Variants in AKNA observed in about 807,000 individuals in gnomAD.
The protein encoded by AKNA is AT-hook transcription factor.
In AKNA, 67 loss-of-function variants were observed where a neutral mutation model predicts 138.8. The ratio of observed to expected loss-of-function variants is 0.48; its 90% CI spans 0.40 to 0.59. The LOEUF (loss-of-function observed/expected upper bound fraction) is 0.59, where lower values mean the gene tolerates loss of function less well. Among genes scored for constraint, AKNA ranks in the 20% least tolerant of loss-of-function variants. The probability of loss-of-function intolerance (pLI) is 0.00; values close to 1 mark genes in which losing one functional copy is unlikely to be tolerated. For missense variants in AKNA, 1,813 were observed against 1,880.4 expected (o/e 0.96, Z 0.66); for synonymous variants, 737 against 754.4 (o/e 0.98, Z 0.38).
chr9:114,379,768 A>G (rs148908385), intron 2 of AKNA, among the ~76,000 whole-genome samples: 10 of 152,350 alleles, frequency 6.6e-5, no homozygotes, highest in African/African-American at 2.4e-4. Flanking sequence ...CTAGGAATTC[A>G]GTCTAAGTTG....
At chr9:114,373,160 C>T (rs1485777537) in intron 4 of AKNA, among the ~76,000 whole-genome samples, 1 of 152,240 alleles carries the variant, frequency 6.6e-6, no homozygotes, top group Non-Finnish European at 1.5e-5. Flanking sequence ...TCCTCCTCTA[C>T]TGCTGCCTGA....
At chr9:114,390,603 T>C (rs562544135), upstream of AKNA, among the ~76,000 whole-genome samples, 1 of 152,308 alleles carries the variant, frequency 6.6e-6, no homozygotes, top group Admixed American at 6.5e-5. Flanking sequence ...GATGTGGTCT[T>C]CCAAGATAAA....
intron 3 of AKNA, among the ~76,000 whole-genome samples, chr9:114,374,600 C>T (rs183388415): frequency 3.9e-5 from 6 of 152,296 alleles, no homozygotes; most frequent in African/African-American, 7.2e-5. Flanking sequence ...TTTTCAATGG[C>T]TAATTGAATG....
chr9:114,354,496 G>A (rs1287888776), intron 14 of AKNA, among the ~76,000 whole-genome samples: 2 of 152,102 alleles, frequency 1.3e-5, no homozygotes, highest in African/African-American at 4.8e-5. Context: ...GGCGGATCAC[G>A]AGGTCAGGAG....
chr9:114,346,813 T>C (rs766267528), intron 16 of AKNA, 29 bp from the exon 17 acceptor site: 3 of 1,592,238 alleles, frequency 1.9e-6, no homozygotes, highest in Non-Finnish European at 2.6e-6. Flanking sequence ...GATGATGTCA[T>C]TGGATGAGGT....
Position 114,377,356 on chromosome 9 carries a change from T to C in AKNA, c.451A>G (p.Ser151Gly). 6.2e-7 allele frequency: 1 copy of C among 1,613,966 alleles called. No homozygotes were observed. Among genetic ancestry groups the C allele is most frequent in the Non-Finnish European group, 8.5e-7 (1 of 1,179,936 alleles). ...CTGGTGTTTCCATGGCCTTCCAAGC[T>C]GAGACCAGCCTCATACCCCAACCTT... Reference protein sequence around the residue: ...SSRLGYEAGLSLEGHGNTSPM... With the variant: ...SSRLGYEAGLGLEGHGNTSPM... Residue 151 changes from serine to glycine, a missense_variant, in exon 3 of 22, where the codon AGC becomes GGC. Transcript: ENST00000374088.
upstream of AKNA, among the ~76,000 whole-genome samples, chr9:114,395,015 C>T (rs925032750): frequency 6.6e-6 from 1 of 152,078 alleles, no homozygotes; most frequent in South Asian, 2.1e-4. Context: ...CGGCACTGGG[C>T]GCAGAAGGTC....
At chr9:114,334,004 A>T, downstream of AKNA, among the ~76,000 whole-genome samples, 2 of 116,290 alleles carry the variant, frequency 1.7e-5, no homozygotes, top group Admixed American at 8.7e-5. Flanking sequence ...AGTGTGTAGC[A>T]CCTCCCCCTT....
At position 114,381,050 on chromosome 9, in the gene AKNA, T is replaced by G; in HGVS notation, c.274+10A>C. 5.3e-6 allele frequency: 8 copies of G among 1,520,908 alleles called. No homozygotes were observed. The highest frequency in any genetic ancestry group is 7.1e-6 in the Non-Finnish European group (8 of 1,134,488). The allele number at this position is 1,520,908 out of a possible 1,614,324, so 94.2% of individuals were successfully genotyped here. A position where few individuals can be genotyped will look rare whatever the true frequency, so the allele number is the denominator to read the frequency against. ...GGACACCACTGTAGGGGGAGGGGTG[T>G]CAGTCTCACCTTCTCCCGAAGTCTC... On this transcript the variant is annotated intron_variant, in intron 2 of 21. Coordinates refer to ENST00000374088, the MANE Select transcript of AKNA (RefSeq NM_001317950.2).
downstream of AKNA, chr9:114,331,787 C>A (rs1829857603): frequency 6.2e-7 from 1 of 1,604,884 alleles, no homozygotes; most frequent in Non-Finnish European, 8.5e-7. Context: ...CCGCCGGGCC[C>A]CACCATGTCC....
chr9:114,333,311 T>C, downstream of AKNA: 2 of 1,216,496 alleles, frequency 1.6e-6, no homozygotes, highest in Non-Finnish European at 2.3e-6. Context: ...AGTTTAACCC[T>C]GGCTGGGCAC....
chr9:114,369,683 T>C lies in AKNA; in HGVS notation c.1417-1088A>G, dbSNP rs567254843. On this transcript the variant is annotated intron_variant, in intron 4 of 21. Coordinates refer to ENST00000374088, the MANE Select transcript of AKNA (RefSeq NM_001317950.2). ...ACCATCATTAGCATCACCATCAGCATCACCATCAGCATCATCACCATCAGC... is the reference window on the plus strand; with the variant it reads ...ACCATCATTAGCATCACCATCAGCACCACCATCAGCATCATCACCATCAGC... Among the ~76,000 whole-genome samples, 4 of 150,660 alleles carry C rather than the reference T, an allele frequency of 2.7e-5. No homozygotes were observed. The East Asian group carries it at 5.8e-4, about 22-fold the overall frequency.
At chr9:114,358,682 T>G (rs557341460) in intron 11 of AKNA, among the ~76,000 whole-genome samples, 1 of 151,850 alleles carries the variant, frequency 6.6e-6, no homozygotes, top group East Asian at 1.9e-4. Context: ...CCACAGAAGT[T>G]CAAGAGAGGC....
chr9:114,377,802 T>C (rs4979372), intron 2 of AKNA, among the ~76,000 whole-genome samples: 60,150 of 152,032 alleles, frequency 0.4, 13,700 homozygotes, highest in Middle Eastern at 0.56. Context: ...ATCCCCTCTA[T>C]GCATACAGGC....
intron 3 of AKNA, chr9:114,375,993 G>T (rs779650954): frequency 2.9e-5 from 13 of 450,924 alleles, no homozygotes; most frequent in South Asian, 1.9e-4. Context: ...GCCCAAGCCA[G>T]CCTCCACCCC....
At chr9:114,338,150 C>T (rs922109469) in intron 21 of AKNA, among the ~76,000 whole-genome samples, 15 of 152,206 alleles carry the variant, frequency 9.9e-5, no homozygotes, top group Non-Finnish European at 7.3e-5. Context: ...CATTCATTGG[C>T]ATCTTGCTTG....
At chr9:114,352,547 A>C (rs1166756155) in intron 14 of AKNA, among the ~76,000 whole-genome samples, 2 of 152,088 alleles carry the variant, frequency 1.3e-5, no homozygotes, top group Non-Finnish European at 2.9e-5. Flanking sequence ...CAGTGAGCTG[A>C]GATCGTACCA....
At position 114,341,525 on chromosome 9, in the gene AKNA, G is replaced by A; in HGVS notation, c.4067+8C>T. ...AGAGGCTGGGAAGGTCAGAATGAAG[G>A]CTCTTACACAGCGGCAGGTGGATAA... On this transcript the variant is annotated splice_region_variant and intron_variant, in intron 21 of 21. Transcript: ENST00000374088. 9 of 1,613,956 alleles carry A rather than the reference G, an allele frequency of 5.6e-6. No individual in the cohort carries two copies. In the South Asian group the frequency reaches 9.9e-5, roughly 18 times the overall value.
chr9:114,337,012 T>TGGGGGGGGGGGGGGGGGGGGGGGGGGG lies in AKNA; in HGVS notation c.*41_*42insCCCCCCCCCCCCCCCCCCCCCCCCCCC. 8.3e-7 allele frequency: 1 copy of TGGGGGGGGGGGGGGGGGGGGGGGGGGG among 1,208,222 alleles called. No individual in the cohort carries two copies. Among genetic ancestry groups the TGGGGGGGGGGGGGGGGGGGGGGGGGGG allele is most frequent in the Non-Finnish European group, 1.1e-6 (1 of 929,350 alleles). 74.8% of individuals were successfully genotyped at this position (1,208,222 alleles called of 1,614,324 possible). A position where few individuals can be genotyped will look rare whatever the true frequency, so the allele number is the denominator to read the frequency against. ...CCCACTCCTGGCCTGGCAGGCCACC[T>TGGGGGGGGGGGGGGGGGGGGGGGGGGG]GCCCACCCACCCACCCATCTGCCTC... is the stretch of plus-strand genomic sequence containing the variant. On this transcript the variant is annotated 3_prime_UTR_variant, in exon 22 of 22. Transcript: ENST00000374088.
Sources: gnomAD v4.1 joint callset for allele counts (sites outside exome capture counted in the v4.1 genomes callset) on GRCh38, gnomAD v4.1.1 for gene constraint, MANE v1.5 for transcripts, NCBI Gene and HGNC (gene_info 2026-07-23, HGNC 2026-07-21) for gene names.